The following COL5A2 variants were observed in gnomAD, a reference collection of about 807,000 sequenced individuals.
COL5A2 encodes the protein collagen type V alpha 2 chain.
COL5A2 carries 23 observed loss-of-function variants against 208.2 expected under a neutral mutation model. The ratio of observed to expected loss-of-function variants is 0.11; its 90% CI spans 0.08 to 0.16. The LOEUF (loss-of-function observed/expected upper bound fraction) is 0.16, where lower values mean the gene tolerates loss of function less well. Among genes scored for constraint, COL5A2 ranks in the 10% least tolerant of loss-of-function variants. The pLI, the probability that COL5A2 is intolerant of heterozygous loss-of-function variation, is 1.00. For synonymous variants in COL5A2, 625 were observed against 628.5 expected, an observed-to-expected ratio of 0.99 and a Z score of 0.08; for missense variants, 1,590 against 1,956.4, an observed-to-expected ratio of 0.81 and a Z score of 3.53.
At chr2:189,362,923 T>C in the COL5A2 span, among the ~76,000 whole-genome samples, 30 of 152,200 alleles carry the variant, frequency 2.0e-4, no homozygotes, top group African/African-American at 6.7e-4. Context: ...GTTTTTTTAA[T>C]TATAAGCCAG....
chr2:189,383,547 A>T, the COL5A2 span, among the ~76,000 whole-genome samples: 1 of 152,200 alleles, frequency 6.6e-6, no homozygotes, highest in African/African-American at 2.4e-5. Context: ...AGACAAGAAA[A>T]GAAAATTATT....
At chr2:189,141,277 T>G (rs76866097) in intron 1 of COL5A2, among the ~76,000 whole-genome samples, 2,841 of 152,220 alleles carry the variant, frequency 0.019, 96 homozygotes, top group African/African-American at 0.062. Context: ...TAATAATAAA[T>G]ACCATCTAGT....
At chr2:189,340,766 G>A in the COL5A2 span, among the ~76,000 whole-genome samples, 1 of 152,116 alleles carries the variant, frequency 6.6e-6, no homozygotes, top group Admixed American at 6.5e-5. Context: ...TTGAGGTTTT[G>A]ACTGATGTCA....
At chr2:189,310,614 T>C in the COL5A2 span, among the ~76,000 whole-genome samples, 1 of 152,160 alleles carries the variant, frequency 6.6e-6, no homozygotes, top group Non-Finnish European at 1.5e-5. Flanking sequence ...CTTGAAGAGA[T>C]AACTGCACTC....
At chr2:189,242,404 T>C in the COL5A2 span, among the ~76,000 whole-genome samples, 2 of 152,212 alleles carry the variant, frequency 1.3e-5, no homozygotes. Flanking sequence ...CACAGCTAAA[T>C]AGCTAGTAAT....
the COL5A2 span, among the ~76,000 whole-genome samples, chr2:189,310,739 CAA>C: frequency 1.2e-3 from 179 of 150,188 alleles, no homozygotes; most frequent in African/African-American, 3.9e-3. Flanking sequence ...ACTATCAAAC[CAA>C]AAAAAAAAAG....
chr2:189,379,408 T>C, the COL5A2 span, among the ~76,000 whole-genome samples: 25 of 152,186 alleles, frequency 1.6e-4, no homozygotes, highest in African/African-American at 6.0e-4. Flanking sequence ...TTGCTTTCCA[T>C]AGGCATTTTT....
At position 189,082,532 on chromosome 2, in the gene COL5A2, G is replaced by A. The variant is rs10210715; in HGVS notation, c.852+1452C>T. On this transcript the variant is annotated intron_variant, in intron 12 of 53. Coordinates refer to ENST00000374866, the MANE Select transcript of COL5A2 (RefSeq NM_000393.5). Reference sequence around the variant, plus strand: ...TAGTGCAGACCCGTCTAAGCCTATAGGGGAATTGCTGAGCTATGTTATTTC... The same window carrying A: ...TAGTGCAGACCCGTCTAAGCCTATAAGGGAATTGCTGAGCTATGTTATTTC... Among the ~76,000 whole-genome samples, 560 of 152,330 alleles carry A rather than the reference G, an allele frequency of 3.7e-3. 2 individuals carry two copies. Among genetic ancestry groups the A allele is most frequent in the African/African-American group, 0.012 (511 of 41,570 alleles).
At chr2:189,053,969 G>A (rs1315703823) in intron 36 of COL5A2, 21 bp from the exon 37 acceptor site, 3 of 1,611,738 alleles carry the variant, frequency 1.9e-6, no homozygotes, top group East Asian at 2.2e-5. Context: ...GATTTTAGAT[G>A]GTTACTGTCC....
chr2:189,194,015 A>G (rs951923017), intron 1 of COL5A2, among the ~76,000 whole-genome samples: 4 of 152,230 alleles, frequency 2.6e-5, no homozygotes, highest in Admixed American at 2.6e-4. Context: ...TGCATCATTT[A>G]TATTAATATG....
the COL5A2 span, among the ~76,000 whole-genome samples, chr2:189,317,504 T>C: frequency 1.3e-5 from 2 of 152,168 alleles, no homozygotes; most frequent in Non-Finnish European, 2.9e-5. Context: ...ACTGTCTGGT[T>C]TAAGAATCCA....
At chr2:189,146,235 C>G (rs1688037522) in intron 1 of COL5A2, among the ~76,000 whole-genome samples, 1 of 152,006 alleles carries the variant, frequency 6.6e-6, no homozygotes, top group Non-Finnish European at 1.5e-5. Flanking sequence ...AATTAGGGAT[C>G]AAATTATGAA....
chr2:189,152,196 G>A (rs1276952587), intron 1 of COL5A2, among the ~76,000 whole-genome samples: 1 of 152,048 alleles, frequency 6.6e-6, no homozygotes, highest in Non-Finnish European at 1.5e-5. Context: ...TTTAGATATG[G>A]AACCTGACAC....
chr2:189,104,486 G>A (rs1687112152), intron 2 of COL5A2, among the ~76,000 whole-genome samples: 1 of 151,748 alleles, frequency 6.6e-6, no homozygotes, highest in Non-Finnish European at 1.5e-5. Flanking sequence ...ATTCTAACAT[G>A]ATATTAATAT....
At chr2:189,035,771 T>C (rs971535703) in intron 52 of COL5A2, among the ~76,000 whole-genome samples, 1 of 152,092 alleles carries the variant, frequency 6.6e-6, no homozygotes, top group Non-Finnish European at 1.5e-5. Context: ...TATACACCCA[T>C]AATGTTCTCA....
chr2:189,146,615 A>G (rs1688044597), intron 1 of COL5A2, among the ~76,000 whole-genome samples: 4 of 152,198 alleles, frequency 2.6e-5, no homozygotes. Context: ...ATTTAATTTT[A>G]GTAAAGGGAA....
intron 1 of COL5A2, among the ~76,000 whole-genome samples, chr2:189,206,033 T>C (rs1467982132): frequency 6.6e-6 from 1 of 152,188 alleles, no homozygotes; most frequent in Admixed American, 6.5e-5. Flanking sequence ...CGATGATTAC[T>C]AGGTGTGTAT....
At position 189,036,624 on chromosome 2, in the gene COL5A2, C is replaced by T. The variant is rs767685753; in HGVS notation, c.4105G>A (p.Gly1369Arg). 1 of 1,612,034 alleles carries T rather than the reference C, an allele frequency of 6.2e-7. No individual in the cohort carries two copies. The highest frequency in any genetic ancestry group is 8.5e-7 in the Non-Finnish European group (1 of 1,178,330). Reference sequence around the variant, plus strand: ...TAAACATATTAAATTACCTGAGACCCTCTGTTCATATCAAGACCATACCAA... The same window carrying T: ...TAAACATATTAAATTACCTGAGACCTTCTGTTCATATCAAGACCATACCAA... ...PVWYGLDMNRGSQFAYGDHQS... is the reference protein window; with the variant it reads ...PVWYGLDMNRRSQFAYGDHQS... The change falls in exon 52 of 54, where the codon GGG becomes AGG. Residue 1369 changes from glycine to arginine, a missense_variant. Physicochemically the swap from Gly to Arg is moderately radical, Grantham distance 125 (BLOSUM62 -2). Coordinates refer to ENST00000374866, the MANE Select transcript of COL5A2 (RefSeq NM_000393.5).
the COL5A2 span, among the ~76,000 whole-genome samples, chr2:189,314,043 A>G: frequency 6.6e-6 from 1 of 152,176 alleles, no homozygotes; most frequent in Non-Finnish European, 1.5e-5. Flanking sequence ...ATCAAGACAG[A>G]AAATTAACAA....
Sources: allele counts gnomAD v4.1 joint callset (sites outside exome capture counted in the v4.1 genomes callset), GRCh38; gene constraint gnomAD v4.1.1; transcripts MANE v1.5; gene names NCBI Gene and HGNC (gene_info 2026-07-23, HGNC 2026-07-21).